Variants in KCNIP4 observed in about 807,000 individuals in gnomAD.
KCNIP4 encodes the protein potassium voltage-gated channel interacting protein 4, also known as Kv channel-interacting protein 4.
In KCNIP4, 12 loss-of-function variants were observed where a neutral mutation model predicts 34.0. That is an observed-to-expected ratio of 0.35 (90% CI 0.23 to 0.57). The LOEUF is 0.57. Ranked by LOEUF, KCNIP4 falls within the 20% of genes least tolerant of loss-of-function variation. KCNIP4 has a pLI of 0.83. For missense variants in KCNIP4, 238 were observed against 311.7 expected (o/e 0.76, Z 1.78); for synonymous variants, 124 against 102.2 (o/e 1.21, Z -1.29).
chr4:21,755,458 A>T (rs1452323450), intron 1 of KCNIP4, among the ~76,000 whole-genome samples: 1 of 152,150 alleles, frequency 6.6e-6, no homozygotes, highest in African/African-American at 2.4e-5. Flanking sequence ...GCACATCACA[A>T]AGGAACAGGC....
chr4:21,359,800 G>A (rs1282172105), intron 1 of KCNIP4, among the ~76,000 whole-genome samples: 1 of 151,966 alleles, frequency 6.6e-6, no homozygotes, highest in Non-Finnish European at 1.5e-5. Flanking sequence ...TTGGTCCTGA[G>A]GTCAAACATT....
intron 1 of KCNIP4, among the ~76,000 whole-genome samples, chr4:21,685,128 A>G (rs2109031101): frequency 6.6e-6 from 1 of 152,338 alleles, no homozygotes; most frequent in African/African-American, 2.4e-5. Flanking sequence ...TTTGAGTCAT[A>G]TGTTCTACCT....
intron 1 of KCNIP4, among the ~76,000 whole-genome samples, chr4:21,785,479 T>C (rs373488977): frequency 6.6e-6 from 1 of 151,826 alleles, no homozygotes; most frequent in East Asian, 1.9e-4. Context: ...GTAATCCCAG[T>C]TACTTGGAAG....
intron 1 of KCNIP4, among the ~76,000 whole-genome samples, chr4:21,169,022 C>G (rs890380015): frequency 1.3e-5 from 2 of 152,132 alleles, no homozygotes; most frequent in African/African-American, 4.8e-5. Flanking sequence ...TGCCAATAGC[C>G]CTAGGGATGT....
intron 1 of KCNIP4, among the ~76,000 whole-genome samples, chr4:21,292,246 C>G (rs1279285448): frequency 6.6e-6 from 1 of 152,160 alleles, no homozygotes; most frequent in Non-Finnish European, 1.5e-5. Flanking sequence ...AAGTCAGTGC[C>G]TTAGCCTCAT....
At chr4:21,500,632 C>A (rs981145549) in intron 1 of KCNIP4, among the ~76,000 whole-genome samples, 5 of 151,986 alleles carry the variant, frequency 3.3e-5, no homozygotes, top group African/African-American at 1.2e-4. Context: ...GCAAAATAAA[C>A]CTAGGAAATG....
chr4:20,965,147 T>C (rs1734225105), intron 1 of KCNIP4, among the ~76,000 whole-genome samples: 2 of 152,182 alleles, frequency 1.3e-5, no homozygotes, highest in African/African-American at 4.8e-5. Flanking sequence ...CATCCATATT[T>C]AGAAGAAGCC....
At position 20,902,525 on chromosome 4, in the gene KCNIP4, T is replaced by C. The variant is rs59731054; in HGVS notation, c.62-19816A>G. Among the ~76,000 whole-genome samples the C allele has an allele frequency of 7.2e-5, 11 of 152,244 alleles. No homozygotes were observed. In the East Asian group the frequency reaches 2.1e-3, roughly 29 times the overall value. ...GCCTAATATTTTATTTTTGTTGTTA[T>C]TGCTATTTTTTGAGATGGAGTTTCA... On this transcript the variant is annotated intron_variant, in intron 1 of 8. Transcript: ENST00000382152.
intron 3 of KCNIP4, among the ~76,000 whole-genome samples, chr4:20,760,042 TCAGAG>T (rs2149360386): frequency 6.6e-6 from 1 of 152,264 alleles, no homozygotes; most frequent in East Asian, 1.9e-4. Flanking sequence ...AGCTGCAAAT[TCAGAG>T]GGGCGACTAT....
intron 1 of KCNIP4, among the ~76,000 whole-genome samples, chr4:20,893,515 T>G (rs1164685979): frequency 6.6e-6 from 1 of 151,802 alleles, no homozygotes; most frequent in East Asian, 1.9e-4. Context: ...CTCGAACTCC[T>G]GGGCTCAAGT....
chr4:20,902,993 G>T (rs1013397252), intron 1 of KCNIP4, among the ~76,000 whole-genome samples: 1 of 152,112 alleles, frequency 6.6e-6, no homozygotes, highest in Non-Finnish European at 1.5e-5. Flanking sequence ...TTGTGCCATT[G>T]TTTCTCATAT....
chr4:21,074,766 T>G (rs1745321487), intron 1 of KCNIP4, among the ~76,000 whole-genome samples: 1 of 152,226 alleles, frequency 6.6e-6, no homozygotes, highest in African/African-American at 2.4e-5. Context: ...CTTTCTCTTG[T>G]GGGCATTTAG....
intron 1 of KCNIP4, among the ~76,000 whole-genome samples, chr4:21,353,163 G>C (rs1358808366): frequency 6.6e-6 from 1 of 152,074 alleles, no homozygotes; most frequent in Non-Finnish European, 1.5e-5. Context: ...CAAGACCAAA[G>C]GTAGATAAAA....
At position 21,690,133 on chromosome 4, in the gene KCNIP4, T is replaced by TTATA. The variant is rs113193178; in HGVS notation, c.61+258434_61+258437dup. Among the ~76,000 whole-genome samples, 458 of 145,612 alleles carry TTATA rather than the reference T, an allele frequency of 3.1e-3. 1 individual carries two copies. Among genetic ancestry groups the TTATA allele is most frequent in the African/African-American group, 0.011 (430 of 39,942 alleles). ...ACATATATTATATATATATTTTATA[T>TTATA]TATATATATATATATACACACACAC... On this transcript the variant is annotated intron_variant, in intron 1 of 8. Coordinates refer to ENST00000382152, the MANE Select transcript of KCNIP4 (RefSeq NM_025221.6).
chr4:21,769,336 A>C (rs1266977677), intron 1 of KCNIP4, among the ~76,000 whole-genome samples: 1 of 152,006 alleles, frequency 6.6e-6, no homozygotes, highest in Non-Finnish European at 1.5e-5. Context: ...TTTCTATTTT[A>C]GTGTTTGTAT....
intron 5 of KCNIP4, among the ~76,000 whole-genome samples, chr4:20,741,547 A>G: frequency 6.6e-6 from 1 of 152,218 alleles, no homozygotes; most frequent in Non-Finnish European, 1.5e-5. Flanking sequence ...ACGTACCAGA[A>G]TCTCTGGGAC....
chr4:21,509,006 C>T (rs570762130), intron 1 of KCNIP4, among the ~76,000 whole-genome samples: 19 of 152,270 alleles, frequency 1.2e-4, no homozygotes, highest in Admixed American at 3.3e-4. Context: ...AGTCTGTATG[C>T]CCTCCCCTCG....
At chr4:21,105,408 GGT>G (rs1748423611) in intron 1 of KCNIP4, among the ~76,000 whole-genome samples, 1 of 151,514 alleles carries the variant, frequency 6.6e-6, no homozygotes, top group African/African-American at 2.4e-5. Context: ...GTCTGTTATT[GGT>G]GTATAAGAAT....
chr4:21,587,145 G>A (rs149876111), intron 1 of KCNIP4, among the ~76,000 whole-genome samples: 16 of 152,158 alleles, frequency 1.1e-4, no homozygotes, highest in African/African-American at 3.9e-4. Context: ...TATATGCTAT[G>A]TAGATGGTTA....
Sources: allele counts gnomAD v4.1 joint callset (sites outside exome capture counted in the v4.1 genomes callset), GRCh38; gene constraint gnomAD v4.1.1; transcripts MANE v1.5; gene names NCBI Gene and HGNC (gene_info 2026-07-23, HGNC 2026-07-21).